Variants in PPP3CC observed in about 807,000 individuals in gnomAD.
PPP3CC encodes the protein serine/threonine-protein phosphatase 2B catalytic subunit gamma isoform.
Under a neutral mutation model 60.3 loss-of-function variants are expected in PPP3CC, and 35 were observed. The observed-to-expected ratio is 0.58, with a 90% CI of 0.44 to 0.77. The LOEUF is 0.77. PPP3CC is among the 30% of genes least tolerant of loss of function. The pLI is 0.00. For synonymous variants in PPP3CC, 206 were observed against 224.3 expected, an observed-to-expected ratio of 0.92 and a Z score of 0.73; for missense variants, 570 against 628.9, an observed-to-expected ratio of 0.91 and a Z score of 1.00.
At position 22,527,437 on chromosome 8, in the gene PPP3CC, T is replaced by G. The variant is rs1301480215; in HGVS notation, c.989T>G (p.Phe330Cys). 1 of 1,613,800 alleles carries G rather than the reference T, an allele frequency of 6.2e-7. No homozygotes were observed. Among genetic ancestry groups the G allele is most frequent in the East Asian group, 2.2e-5 (1 of 44,878 alleles). ...YENNVMNIRQFNCSPHPYWLP... is the reference protein window; with the variant it reads ...YENNVMNIRQCNCSPHPYWLP... The stretch of plus-strand genomic sequence containing the variant: ...AACAATGTCATGAATATCAGGCAGT[T>G]TAACTGTTCTCCACACCCCTACTGG... Residue 330 changes from phenylalanine (F) to cysteine (C), a missense_variant, in exon 9 of 14, where the codon TTT becomes TGT. Transcript: ENST00000240139.
At chr8:22,469,313 AATAG>A (rs1381170925) in intron 1 of PPP3CC, among the ~76,000 whole-genome samples, 1 of 152,160 alleles carries the variant, frequency 6.6e-6, no homozygotes, top group Non-Finnish European at 1.5e-5. Flanking sequence ...GAGAATGGAA[AATAG>A]ATAAGAGAGA....
chr8:22,472,751 G>C (rs1169190575), intron 1 of PPP3CC, among the ~76,000 whole-genome samples: 1 of 152,108 alleles, frequency 6.6e-6, no homozygotes, highest in Non-Finnish European at 1.5e-5. Context: ...GGAGTTTGTT[G>C]AGGTGTGCAA....
chr8:22,538,467 A>G (rs1839892161), intron 12 of PPP3CC, among the ~76,000 whole-genome samples: 1 of 152,186 alleles, frequency 6.6e-6, no homozygotes, highest in Non-Finnish European at 1.5e-5. Flanking sequence ...TTCACATTCC[A>G]TTAGGTAGTT....
chr8:22,445,789 A>C (rs1836803162), intron 1 of PPP3CC, among the ~76,000 whole-genome samples: 1 of 152,192 alleles, frequency 6.6e-6, no homozygotes, highest in Admixed American at 6.5e-5. Context: ...TATCTCCTGG[A>C]TTTGTCAACA....
Position 22,474,929 on chromosome 8 carries a change from AATTATT to A in PPP3CC, c.50-15_50-10del. On this transcript the variant is annotated intron_variant, in intron 1 of 13. Coordinates refer to ENST00000240139, the MANE Select transcript of PPP3CC (RefSeq NM_005605.5). ...GTTCTCTATACATTTAAATATTTTA[AATTATT>A]ATTATTATTTTTTTGTAGCTGTCCC... is the stretch of plus-strand genomic sequence containing the variant. 1 of 1,358,864 alleles carries A rather than the reference AATTATT, an allele frequency of 7.4e-7. No individual in the cohort carries two copies. 84.2% of individuals were successfully genotyped at this position (1,358,864 alleles called of 1,614,324 possible).
rs1296191441 is a variant in PPP3CC, at chr8:22,498,039, C to A, written c.411C>A (p.Pro137=). Residue 137 remains proline (P), a synonymous_variant, in exon 4 of 14, where the codon CCC becomes CCA. Transcript: ENST00000240139. ...TATGGAGTTTAAAGATTAATCATCCCAAAACATTGTTTCTGCTTCGGGGAA... is the reference window on the plus strand; with the variant it reads ...TATGGAGTTTAAAGATTAATCATCCAAAAACATTGTTTCTGCTTCGGGGAA... The part of the protein sequence containing the change: ...LYLWSLKINH[P]KTLFLLRGNH... The A allele has an allele frequency of 6.2e-7, 1 of 1,613,106 alleles. No individual in the cohort carries two copies. Among genetic ancestry groups the A allele is most frequent in the East Asian group, 2.2e-5 (1 of 44,804 alleles).
chr8:22,504,930 C>T (rs944689119), intron 4 of PPP3CC, among the ~76,000 whole-genome samples: 5 of 150,858 alleles, frequency 3.3e-5, no homozygotes, highest in African/African-American at 4.9e-5. Context: ...GAAGGAACCT[C>T]GTGTTTATAT....
chr8:22,481,376 AATAATG>A (rs1563719719), intron 3 of PPP3CC, among the ~76,000 whole-genome samples: 3 of 133,466 alleles, frequency 2.2e-5, no homozygotes, highest in Non-Finnish European at 3.3e-5. Context: ...TAATAATAAT[AATAATG>A]ATAATATTCA....
chr8:22,459,085 G>C lies in PPP3CC; in HGVS notation c.50-15869G>C, dbSNP rs1465342972. Among the ~76,000 whole-genome samples, 2 of 146,792 alleles carry C rather than the reference G, an allele frequency of 1.4e-5. 1 individual carries two copies. The highest frequency in any genetic ancestry group is 5.0e-5 in the African/African-American group (2 of 39,772). On this transcript the variant is annotated intron_variant, in intron 1 of 13. Transcript: ENST00000240139. The stretch of plus-strand genomic sequence containing the variant: ...CATTTGTAATTTTTTTTTTTTTTCT[G>C]AGACAGAGTCTAGCACTGCTGCCCA...
chr8:22,481,318 A>G (rs1838059253), intron 3 of PPP3CC, among the ~76,000 whole-genome samples: 1 of 150,978 alleles, frequency 6.6e-6, no homozygotes, highest in Admixed American at 6.6e-5. Flanking sequence ...CTGGGCAACA[A>G]GAGCGAAACT....
At chr8:22,474,157 A>C (rs943513266) in intron 1 of PPP3CC, among the ~76,000 whole-genome samples, 1 of 151,584 alleles carries the variant, frequency 6.6e-6, no homozygotes, top group Non-Finnish European at 1.5e-5. Context: ...AGCCTCCCAA[A>C]GTGCTGGGAT....
chr8:22,467,992 T>A (rs1428106538), intron 1 of PPP3CC, among the ~76,000 whole-genome samples: 1 of 152,234 alleles, frequency 6.6e-6, no homozygotes, highest in Non-Finnish European at 1.5e-5. Context: ...ATTTCCCAGA[T>A]ATTCCACGTC....
chr8:22,464,649 T>TGAGA (rs1471262349), intron 1 of PPP3CC, among the ~76,000 whole-genome samples: 1 of 152,014 alleles, frequency 6.6e-6, no homozygotes, highest in African/African-American at 2.4e-5. Context: ...CCCAGAGTGA[T>TGAGA]GAGATTCTTT....
At chr8:22,492,915 A>G (rs1296471252) in intron 3 of PPP3CC, 2 of 1,217,958 alleles carry the variant, frequency 1.6e-6, no homozygotes, top group African/African-American at 1.5e-5. Flanking sequence ...AATGCTACCC[A>G]GCATCTTAAA....
intron 3 of PPP3CC, among the ~76,000 whole-genome samples, chr8:22,484,073 C>G (rs1212437064): frequency 6.6e-6 from 1 of 151,650 alleles, no homozygotes; most frequent in African/African-American, 2.4e-5. Context: ...CCTTGAACTT[C>G]TGGCCTCAGG....
chr8:22,496,493 T>TTTTTTTTTTTTTTTTTTTTTG (rs1838588663), intron 3 of PPP3CC, among the ~76,000 whole-genome samples: 1 of 92,534 alleles, frequency 1.1e-5, no homozygotes, highest in Non-Finnish European at 2.2e-5. Context: ...ATCTTTTTTT[T>TTTTTTTTTTTTTTTTTTTTTG]TTTTTTTTTT....
chr8:22,530,087 C>G (rs1342754165), intron 10 of PPP3CC, among the ~76,000 whole-genome samples: 2 of 152,184 alleles, frequency 1.3e-5, no homozygotes, highest in East Asian at 3.8e-4. Flanking sequence ...ACCATACACT[C>G]TCATGCTTCA....
At chr8:22,530,976 G>T (rs1382619458) in intron 10 of PPP3CC, among the ~76,000 whole-genome samples, 1 of 151,724 alleles carries the variant, frequency 6.6e-6, no homozygotes, top group African/African-American at 2.4e-5. Flanking sequence ...CTTGTTTTTG[G>T]CATCATTTAT....
intron 1 of PPP3CC, among the ~76,000 whole-genome samples, chr8:22,459,319 A>G (rs1837298653): frequency 6.6e-6 from 1 of 152,174 alleles, no homozygotes; most frequent in African/African-American, 2.4e-5. Context: ...CTTTAGTGCA[A>G]TCCATGTGTG....
Sources: gnomAD v4.1 joint callset for allele counts (sites outside exome capture counted in the v4.1 genomes callset) on GRCh38, gnomAD v4.1.1 for gene constraint, MANE v1.5 for transcripts, NCBI Gene and HGNC (gene_info 2026-07-23, HGNC 2026-07-21) for gene names.